EDIL3: variants seen among roughly 807,000 people sequenced by gnomAD.
EDIL3 encodes EGF-like repeat and discoidin I-like domain-containing protein 3.
Under a neutral mutation model 67.4 loss-of-function variants are expected in EDIL3, and 37 were observed. The ratio of observed to expected loss-of-function variants is 0.55; its 90% CI spans 0.42 to 0.72. The LOEUF is 0.72. Ranked by LOEUF, EDIL3 falls within the 30% of genes least tolerant of loss-of-function variation. EDIL3 has a pLI of 0.00. For synonymous variants in EDIL3, 195 were observed against 196.3 expected, an observed-to-expected ratio of 0.99 and a Z score of 0.05; for missense variants, 527 against 586.3, an observed-to-expected ratio of 0.90 and a Z score of 1.04.
intron 5 of EDIL3, among the ~76,000 whole-genome samples, chr5:84,117,284 C>G (rs1295543436): frequency 6.6e-6 from 1 of 151,940 alleles, no homozygotes; most frequent in African/African-American, 2.4e-5. Context: ...CCCGCCTTGG[C>G]CTCCCAAAGT....
Position 83,943,363 on chromosome 5 carries a change from T to C in EDIL3, c.*56A>G. 6.2e-7 allele frequency: 1 copy of C among 1,607,492 alleles called. No individual in the cohort carries two copies. Among genetic ancestry groups the C allele is most frequent in the South Asian group, 1.1e-5 (1 of 90,776 alleles). On this transcript the variant is annotated 3_prime_UTR_variant, in exon 11 of 11. Coordinates refer to ENST00000296591, the MANE Select transcript of EDIL3 (RefSeq NM_005711.5). ...TTCCTACAGATTTTGCACAGTTCAT[T>C]CCATGGAGATACTTTTAGGGAAATA...
At chr5:84,235,914 A>T (rs1468016780) in intron 2 of EDIL3, among the ~76,000 whole-genome samples, 1 of 152,044 alleles carries the variant, frequency 6.6e-6, no homozygotes, top group Non-Finnish European at 1.5e-5. Flanking sequence ...TTATCTCATG[A>T]AAAATTAAAT....
chr5:84,117,184 C>G (rs190487151), intron 5 of EDIL3, among the ~76,000 whole-genome samples: 1 of 151,724 alleles, frequency 6.6e-6, no homozygotes, highest in Non-Finnish European at 1.5e-5. Flanking sequence ...CCCACCATCA[C>G]GCCCGGCTAA....
At chr5:84,031,930 A>T (rs752099445) in intron 9 of EDIL3, among the ~76,000 whole-genome samples, 1 of 152,248 alleles carries the variant, frequency 6.6e-6, no homozygotes, top group African/African-American at 2.4e-5. Context: ...TCCATGAGCC[A>T]TAATGAAGAG....
chr5:84,267,712 T>C (rs1745378355), intron 1 of EDIL3, among the ~76,000 whole-genome samples: 1 of 152,216 alleles, frequency 6.6e-6, no homozygotes. Context: ...AATGTATTTA[T>C]GTATATGCTC....
At chr5:84,096,951 G>C (rs965423061) in intron 6 of EDIL3, among the ~76,000 whole-genome samples, 4 of 152,020 alleles carry the variant, frequency 2.6e-5, no homozygotes, top group African/African-American at 9.7e-5. Context: ...CTCTCTTTTT[G>C]CCTGCCACCA....
chr5:84,293,040 C>T (rs944402023), intron 1 of EDIL3, among the ~76,000 whole-genome samples: 1 of 152,146 alleles, frequency 6.6e-6, no homozygotes, highest in African/African-American at 2.4e-5. Context: ...GCTTAAGTTT[C>T]GACTTCCCAA....
intron 3 of EDIL3, among the ~76,000 whole-genome samples, chr5:84,206,847 C>T (rs928351810): frequency 1.3e-5 from 2 of 152,176 alleles, no homozygotes; most frequent in Non-Finnish European, 2.9e-5. Flanking sequence ...AATTCAATAA[C>T]TCTTCACGCT....
At chr5:83,965,978 A>G (rs1195981503) in intron 9 of EDIL3, among the ~76,000 whole-genome samples, 1 of 151,906 alleles carries the variant, frequency 6.6e-6, no homozygotes, top group Non-Finnish European at 1.5e-5. Flanking sequence ...CATGTATAGA[A>G]CTCACCCTGA....
intron 9 of EDIL3, among the ~76,000 whole-genome samples, chr5:83,987,521 CTCCTACA>C (rs1745075345): frequency 6.6e-6 from 1 of 152,094 alleles, no homozygotes. Flanking sequence ...CAGGAGAAAT[CTCCTACA>C]TCACCTTTTA....
At chr5:84,219,582 A>T (rs2112398557) in intron 3 of EDIL3, among the ~76,000 whole-genome samples, 1 of 152,242 alleles carries the variant, frequency 6.6e-6, no homozygotes, top group South Asian at 2.1e-4. Flanking sequence ...AAATAGAACT[A>T]CCAGATGATC....
chr5:84,171,936 C>T (rs1043822193), intron 4 of EDIL3, among the ~76,000 whole-genome samples: 3 of 152,146 alleles, frequency 2.0e-5, no homozygotes, highest in African/African-American at 7.2e-5. Flanking sequence ...GTTCCAGACC[C>T]ATTTGCATCA....
chr5:84,109,196 T>C (rs551626681), intron 5 of EDIL3, among the ~76,000 whole-genome samples: 1 of 152,166 alleles, frequency 6.6e-6, no homozygotes, highest in African/African-American at 2.4e-5. Context: ...TAGTCCTGCA[T>C]ATTAATTCTT....
intron 3 of EDIL3, among the ~76,000 whole-genome samples, chr5:84,213,152 C>G (rs1744162453): frequency 6.6e-6 from 1 of 151,586 alleles, no homozygotes; most frequent in Non-Finnish European, 1.5e-5. Context: ...TGGTGATTAT[C>G]ACTCTGTAGG....
chr5:84,218,750 C>T (rs1580382937), intron 3 of EDIL3, among the ~76,000 whole-genome samples: 1 of 152,262 alleles, frequency 6.6e-6, no homozygotes, highest in Non-Finnish European at 1.5e-5. Context: ...CCTGGGGCCT[C>T]GAATGAACAT....
chr5:84,274,911 A>G (rs2112100529), intron 1 of EDIL3, among the ~76,000 whole-genome samples: 1 of 152,306 alleles, frequency 6.6e-6, no homozygotes, highest in Admixed American at 6.5e-5. Context: ...ATGCTCATAA[A>G]TGTATATGTT....
intron 4 of EDIL3, among the ~76,000 whole-genome samples, chr5:84,137,960 T>C (rs1395782211): frequency 6.6e-6 from 1 of 152,230 alleles, no homozygotes; most frequent in African/African-American, 2.4e-5. Flanking sequence ...GACTTACCTT[T>C]GATATACTAC....
At chr5:84,151,417 C>A (rs1464330519) in intron 4 of EDIL3, among the ~76,000 whole-genome samples, 1 of 151,894 alleles carries the variant, frequency 6.6e-6, no homozygotes, top group African/African-American at 2.4e-5. Context: ...ACCATGCAGT[C>A]CAAATGAAAA....
chr5:84,203,650 T>C (rs541541501), intron 3 of EDIL3, among the ~76,000 whole-genome samples: 71 of 152,320 alleles, frequency 4.7e-4, no homozygotes, highest in African/African-American at 1.7e-3. Flanking sequence ...ACTGAGTGAC[T>C]ATTATAAAAT....
Sources: gnomAD v4.1 joint callset for allele counts (sites outside exome capture counted in the v4.1 genomes callset) on GRCh38, gnomAD v4.1.1 for gene constraint, MANE v1.5 for transcripts, NCBI Gene and HGNC (gene_info 2026-07-23, HGNC 2026-07-21) for gene names.